The following JAKMIP1 variants were observed in gnomAD, a reference collection of about 807,000 sequenced individuals.
JAKMIP1 encodes the protein janus kinase and microtubule-interacting protein 1.
In JAKMIP1, 33 loss-of-function variants were observed where a neutral mutation model predicts 113.0. The ratio of observed to expected loss-of-function variants is 0.29; its 90% confidence interval spans 0.22 to 0.39. JAKMIP1 has a LOEUF of 0.39. Ranked by LOEUF, JAKMIP1 falls within the 10% of genes least tolerant of loss-of-function variation. The probability of loss-of-function intolerance (pLI) is 1.00; values close to 1 mark genes in which losing one functional copy is unlikely to be tolerated. For synonymous variants in JAKMIP1, 480 were observed against 459.9 expected, an observed-to-expected ratio of 1.04 and a Z score of -0.56; for missense variants, 813 against 1,080.5, an observed-to-expected ratio of 0.75 and a Z score of 3.47.
At chr4:6,056,586 T>G in intron 12 of JAKMIP1, 111 bp downstream of exon 12, 1 of 780,340 alleles carries the variant, frequency 1.3e-6, no homozygotes, top group Admixed American at 1.8e-5. Flanking sequence ...CCCGAGGCCC[T>G]GGTCACTGGA....
intron 1 of JAKMIP1, among the ~76,000 whole-genome samples, chr4:6,146,615 T>C (rs1720884733): frequency 6.6e-6 from 1 of 152,136 alleles, no homozygotes; most frequent in African/African-American, 2.4e-5. Flanking sequence ...GATAATAGAC[T>C]GTGGTGATGG....
At position 6,155,836 on chromosome 4, in the gene JAKMIP1, T is replaced by C. The variant is rs78745327; in HGVS notation, c.-147-42839A>G. On this transcript the variant is annotated intron_variant, in intron 1 of 20. Coordinates refer to ENST00000409021, the MANE Select transcript of JAKMIP1 (RefSeq NM_001099433.2). The surrounding 1 kb of genome is among the most constrained non-coding windows in gnomAD (Gnocchi z 6.1). ...TGTGCTTGCTAACATGCAGCCTTCCTGGGTCCTGCCCTAGACCTCATGAAT... is the reference window on the plus strand; with the variant it reads ...TGTGCTTGCTAACATGCAGCCTTCCCGGGTCCTGCCCTAGACCTCATGAAT... 0.02 allele frequency among the ~76,000 whole-genome samples: 3,006 copies of C among 152,296 alleles called. 51 individuals carry two copies. Among genetic ancestry groups the C allele is most frequent in the Admixed American group, 0.053 (817 of 15,302 alleles).
chr4:6,191,665 C>T (rs866513483), intron 1 of JAKMIP1, among the ~76,000 whole-genome samples: 1 of 152,188 alleles, frequency 6.6e-6, no homozygotes, highest in Non-Finnish European at 1.5e-5. Context: ...GAGCCTGGAC[C>T]CTGCTGCCCT....
At chr4:6,047,286 G>A (rs1715120083) in intron 16 of JAKMIP1, among the ~76,000 whole-genome samples, 2 of 152,252 alleles carry the variant, frequency 1.3e-5, no homozygotes, top group African/African-American at 4.8e-5. Context: ...ACACTAAGAT[G>A]CTCTTTCTCA....
At position 6,062,330 on chromosome 4, in the gene JAKMIP1, G is replaced by T; in HGVS notation, c.1542C>A (p.Asp514Glu). 6.2e-7 allele frequency: 1 copy of T among 1,612,996 alleles called. No homozygotes were observed. The highest frequency in any genetic ancestry group is 8.5e-7 in the Non-Finnish European group (1 of 1,179,948). ...CACTCACCCGGGCCTCCCTCTCAGC[G>T]TCCAGCGTGCCTCCCACCTGCTCCT... ...LLQEQVGGTL[D>E]AEREARTREQ... Residue 514 changes from aspartate to glutamate, a missense_variant, in exon 10 of 21, where the codon GAC becomes GAA. This residue lies in a region of JAKMIP1 where 273 missense variants were observed against 426.6 expected (regional missense o/e 0.64). Coordinates refer to ENST00000409021, the MANE Select transcript of JAKMIP1 (RefSeq NM_001099433.2).
rs955020329 is a variant in JAKMIP1 at position 6,185,153 on chromosome 4, C to T, written c.-148+15100G>A. ...TCGAACTGGCTTCCTTGCTCCTCAG[C>T]TTGCAGATGGCCTAATGTGGGGCTT... On this transcript the variant is annotated intron_variant, in intron 1 of 20. Transcript: ENST00000409021. This position sits in a 1 kb window ranked among gnomAD's most constrained non-coding sequence, Gnocchi z 5.3. Among the ~76,000 whole-genome samples, 17 of 152,216 alleles carry T rather than the reference C, an allele frequency of 1.1e-4. No homozygotes were observed. The highest frequency in any genetic ancestry group is 2.5e-4 in the Non-Finnish European group (17 of 68,044).
chr4:6,070,461 G>T (rs933059124), intron 8 of JAKMIP1, among the ~76,000 whole-genome samples: 8 of 152,248 alleles, frequency 5.3e-5, no homozygotes, highest in Non-Finnish European at 1.2e-4. Context: ...GAAGGGAGAG[G>T]TTTCCAGGGG....
rs545859759 is a variant in JAKMIP1 at position 6,093,258 on chromosome 4, G to A, written c.625-7629C>T. Among the ~76,000 whole-genome samples, 48 of 152,234 alleles carry A rather than the reference G, an allele frequency of 3.2e-4. No individual in the cohort carries two copies. Among genetic ancestry groups the A allele is most frequent in the Admixed American group, 7.9e-4 (12 of 15,278 alleles). On this transcript the variant is annotated intron_variant, in intron 3 of 20. Transcript: ENST00000409021. The surrounding 1 kb of genome is among the most constrained non-coding windows in gnomAD (Gnocchi z 4.6). ...GCTTGCATGGTCCTATTACCAAACCGTCCTGCTCACACTAGAATAATCTGC... is the reference window on the plus strand; with the variant it reads ...GCTTGCATGGTCCTATTACCAAACCATCCTGCTCACACTAGAATAATCTGC...
intron 3 of JAKMIP1, among the ~76,000 whole-genome samples, chr4:6,099,591 G>A (rs542373391): frequency 6.6e-6 from 1 of 151,948 alleles, no homozygotes; most frequent in Admixed American, 6.6e-5. Flanking sequence ...GCTTTAAACA[G>A]TCACTTGTGT....
At chr4:6,128,766 C>A (rs1718097886) in intron 1 of JAKMIP1, among the ~76,000 whole-genome samples, 1 of 152,180 alleles carries the variant, frequency 6.6e-6, no homozygotes, top group Admixed American at 6.5e-5. Flanking sequence ...GCTGACCTCA[C>A]AGGCCTTCAG....
intron 8 of JAKMIP1, among the ~76,000 whole-genome samples, chr4:6,072,183 C>A (rs1398561868): frequency 6.6e-6 from 1 of 152,220 alleles, no homozygotes; most frequent in African/African-American, 2.4e-5. Flanking sequence ...CTCTCACAAC[C>A]TGTGGATTCA....
At chr4:6,104,987 C>A (rs1279887313) in intron 3 of JAKMIP1, among the ~76,000 whole-genome samples, 1 of 152,216 alleles carries the variant, frequency 6.6e-6, no homozygotes, top group Non-Finnish European at 1.5e-5. Flanking sequence ...ATTAGGCCGC[C>A]CAGGCAGGGC....
At position 6,040,513 on chromosome 4, in the gene JAKMIP1, T is replaced by A. The variant is rs115028628; in HGVS notation, c.2175+126A>T. The A allele has an allele frequency of 0.038, 27,418 of 724,234 alleles. 706 individuals carry two copies. Among genetic ancestry groups the A allele is most frequent in the Non-Finnish European group, 0.051 (19,974 of 392,630 alleles). The allele number at this position is 724,234 out of a possible 1,614,324, so 44.9% of individuals were successfully genotyped here. ...GGTCATTCCAGTCACAAGGTGGAGA[T>A]GGCATTTTTATCACTCCTGTTTGGC... On this transcript the variant is annotated intron_variant, in intron 18 of 20. Coordinates refer to ENST00000409021, the MANE Select transcript of JAKMIP1 (RefSeq NM_001099433.2). The surrounding 1 kb of genome is among the most constrained non-coding windows in gnomAD (Gnocchi z 5.8).
intron 1 of JAKMIP1, among the ~76,000 whole-genome samples, chr4:6,169,641 GAAT>G (rs1724108926): frequency 6.8e-6 from 1 of 146,900 alleles, no homozygotes; most frequent in Non-Finnish European, 1.5e-5. Flanking sequence ...GTGTGTGTGT[GAAT>G]TATTTTCAGA....
Position 6,085,609 on chromosome 4 carries a change from T to C in JAKMIP1, c.645A>G (p.Lys215=). 1 of 1,614,134 alleles carries C rather than the reference T, an allele frequency of 6.2e-7. No individual in the cohort carries two copies. ...TCTCCAAGGCCAGAATCACACGGTC[T>C]TTCCCTTTGATCTCATCCATCTGAA... The part of the protein sequence containing the change: ...IRRLMDEIKG[K]DRVILALEKE... The change falls in exon 4 of 21, where the codon AAA becomes AAG. Residue 215 remains lysine (K), a synonymous_variant. Transcript: ENST00000409021.
intron 1 of JAKMIP1, among the ~76,000 whole-genome samples, chr4:6,170,333 C>G (rs1205956983): frequency 1.0e-5 from 1 of 99,556 alleles, no homozygotes; most frequent in Admixed American, 1.0e-4. Context: ...CACCACCACT[C>G]TCCCCACCCT....
In JAKMIP1 at chr4:6,139,811, G is replaced by T. The variant is rs34997611; in HGVS notation, c.-147-26814C>A. On this transcript the variant is annotated intron_variant, in intron 1 of 20. Transcript: ENST00000409021. The surrounding 1 kb of genome is among the most constrained non-coding windows in gnomAD (Gnocchi z 5.2). ...ATAAAATAAAATAAAATAAGGAAAT[G>T]GGAGCACAGAGACACAGAGACAAAG... is the stretch of plus-strand genomic sequence containing the variant. Among the ~76,000 whole-genome samples the T allele has an allele frequency of 0.15, 22,605 of 149,462 alleles. 1,803 individuals are homozygous for T. The highest frequency in any genetic ancestry group is 0.27 in the Middle Eastern group (80 of 294).
At chr4:6,169,971 C>CACCACT (rs1560313962) in intron 1 of JAKMIP1, among the ~76,000 whole-genome samples, 4 of 121,602 alleles carry the variant, frequency 3.3e-5, no homozygotes, top group African/African-American at 1.3e-4. Context: ...TCACCACCAC[C>CACCACT]ACCACCACTA....
rs1272921803 is a variant in JAKMIP1 at position 6,197,931 on chromosome 4, C to T, written c.-148+2322G>A. 6.6e-6 allele frequency among the ~76,000 whole-genome samples: 1 copy of T among 152,234 alleles called. No individual in the cohort carries two copies. Among genetic ancestry groups the T allele is most frequent in the East Asian group, 1.9e-4 (1 of 5,198 alleles). On this transcript the variant is annotated intron_variant, in intron 1 of 20. Coordinates refer to ENST00000409021, the MANE Select transcript of JAKMIP1 (RefSeq NM_001099433.2). The surrounding 1 kb of genome is among the most constrained non-coding windows in gnomAD (Gnocchi z 6.5). ...ACCCTTACACACCAAGAGAGTGGGG[C>T]CACGGTCCTGCCACTTCCTCGTGCA...
Sources: gnomAD v4.1 joint callset for allele counts (sites outside exome capture counted in the v4.1 genomes callset) on GRCh38, gnomAD v4.1.1 for gene constraint, gnomAD v4.1.1 regional missense constraint, Gnocchi (gnomAD v3.1) non-coding constraint, MANE v1.5 for transcripts, NCBI Gene and HGNC (gene_info 2026-07-23, HGNC 2026-07-21) for gene names.